UHRF2: variants seen among roughly 807,000 people sequenced by gnomAD.
UHRF2 encodes ubiquitin like with PHD and ring finger domains 2, also known as E3 ubiquitin-protein ligase UHRF2.
Under a neutral mutation model 96.8 loss-of-function variants are expected in UHRF2, and 23 were observed. The ratio of observed to expected loss-of-function variants is 0.24; its 90% CI spans 0.17 to 0.34. UHRF2 has a LOEUF of 0.34. UHRF2 is among the 10% of genes least tolerant of loss of function. The probability of loss-of-function intolerance (pLI) is 1.00; values close to 1 mark genes in which losing one functional copy is unlikely to be tolerated. For missense variants in UHRF2, 685 were observed against 981.5 expected (o/e 0.70, Z 4.04); for synonymous variants, 385 against 332.6 (o/e 1.16, Z -1.72).
intron 9 of UHRF2, among the ~76,000 whole-genome samples, chr9:6,487,981 C>T (rs1824410591): frequency 6.6e-6 from 1 of 151,952 alleles, no homozygotes; most frequent in South Asian, 2.1e-4. Context: ...TGGCTCATGC[C>T]TGTAATCCCA....
intron 14 of UHRF2, among the ~76,000 whole-genome samples, chr9:6,501,346 T>C (rs986494477): frequency 1.3e-5 from 2 of 152,294 alleles, no homozygotes; most frequent in Non-Finnish European, 2.9e-5. Context: ...ATTTTACTTA[T>C]AAATTTGAAT....
intron 2 of UHRF2, among the ~76,000 whole-genome samples, chr9:6,421,850 G>C (rs1819950402): frequency 6.6e-6 from 1 of 151,912 alleles, no homozygotes; most frequent in Non-Finnish European, 1.5e-5. Flanking sequence ...ATTTCTCTAG[G>C]CAGTATGTTT....
At chr9:6,472,033 T>C (rs1823271511) in intron 4 of UHRF2, among the ~76,000 whole-genome samples, 1 of 152,214 alleles carries the variant, frequency 6.6e-6, no homozygotes, top group East Asian at 1.9e-4. Context: ...AAGTGTATCT[T>C]AAATACAGTG....
At position 6,428,533 on chromosome 9, in the gene UHRF2, C is replaced by CTTTTTTTTT. The variant is rs1171172143; in HGVS notation, c.385-5351_385-5343dup. 7.3e-4 allele frequency among the ~76,000 whole-genome samples: 48 copies of CTTTTTTTTT among 65,420 alleles called. 7 individuals carry two copies. The highest frequency in any genetic ancestry group is 1.2e-3 in the East Asian group (2 of 1,670). The allele number at this position is 65,420 out of a possible 152,430, so 42.9% of individuals were successfully genotyped here. The stretch of plus-strand genomic sequence containing the variant: ...TGTAAATGGAACCATATTGCTTTTG[C>CTTTTTTTTT]TTTTTTTTTTTTTTTTTTTTTTTTT... On this transcript the variant is annotated intron_variant, in intron 2 of 15. Coordinates refer to ENST00000276893, the MANE Select transcript of UHRF2 (RefSeq NM_152896.3).
intron 3 of UHRF2, among the ~76,000 whole-genome samples, chr9:6,442,450 A>AGGTTT (rs1307819438): frequency 0.021 from 1,645 of 79,512 alleles, 39 homozygotes; most frequent in African/African-American, 0.075. Context: ...CATTGGCATA[A>AGGTTT]GGTTTTGTTT....
chr9:6,500,846 T>G, intron 14 of UHRF2, 137 bp downstream of exon 14: 1 of 747,610 alleles, frequency 1.3e-6, no homozygotes, highest in Non-Finnish European at 2.1e-6. Flanking sequence ...CCACTACCTT[T>G]CAGAAATAAT....
chr9:6,418,998 A>G (rs897022564), intron 1 of UHRF2, among the ~76,000 whole-genome samples: 5 of 152,110 alleles, frequency 3.3e-5, no homozygotes, highest in Non-Finnish European at 7.4e-5. Flanking sequence ...CTGTGTCTTC[A>G]CATTGTCTTC....
intron 8 of UHRF2, 115 bp downstream of exon 8, chr9:6,482,214 A>G: frequency 1.1e-6 from 1 of 886,818 alleles, no homozygotes. Context: ...TGTTAGAATG[A>G]AATATATTTT....
intron 2 of UHRF2, among the ~76,000 whole-genome samples, chr9:6,426,152 C>G (rs201647183): frequency 6.6e-6 from 1 of 152,222 alleles, no homozygotes; most frequent in Non-Finnish European, 1.5e-5. Context: ...CCTCCCCAAT[C>G]GAATTCGGAA....
intron 9 of UHRF2, among the ~76,000 whole-genome samples, chr9:6,491,330 C>G (rs1252507875): frequency 5.3e-5 from 8 of 152,198 alleles, no homozygotes; most frequent in Non-Finnish European, 7.3e-5. Context: ...AGATTTATAG[C>G]ACTTAAAGGC....
At position 6,504,824 on chromosome 9, in the gene UHRF2, T is replaced by C. The variant is rs923887355; in HGVS notation, c.2262+133T>C. ...CGGAACCTTCTAGTTAAGAAGCATT[T>C]AGTTACGTCTTGGTGGTAAATGCAT... On this transcript the variant is annotated intron_variant, in intron 15 of 15. Coordinates refer to ENST00000276893, the MANE Select transcript of UHRF2 (RefSeq NM_152896.3). 2 of 577,824 alleles carry C rather than the reference T, an allele frequency of 3.5e-6. 1 individual carries two copies. The highest frequency in any genetic ancestry group is 5.1e-5 in the South Asian group (2 of 39,322). 35.8% of individuals were successfully genotyped at this position (577,824 alleles called of 1,614,324 possible).
At chr9:6,471,509 A>C (rs896389931) in intron 4 of UHRF2, among the ~76,000 whole-genome samples, 1 of 152,172 alleles carries the variant, frequency 6.6e-6, no homozygotes, top group Non-Finnish European at 1.5e-5. Flanking sequence ...TTAAAAAGAT[A>C]CCAGCTTCCA....
At chr9:6,503,321 A>G in intron 14 of UHRF2, among the ~76,000 whole-genome samples, 1 of 152,292 alleles carries the variant, frequency 6.6e-6, no homozygotes, top group Non-Finnish European at 1.5e-5. Context: ...AATATAAAAA[A>G]TAAATATGAA....
intron 2 of UHRF2, among the ~76,000 whole-genome samples, chr9:6,423,961 T>G (rs1465374371): frequency 6.6e-6 from 1 of 151,048 alleles, no homozygotes; most frequent in African/African-American, 2.4e-5. Flanking sequence ...AATAAATAAA[T>G]AAATAAAGGA....
intron 8 of UHRF2, among the ~76,000 whole-genome samples, chr9:6,484,863 G>A (rs1824173269): frequency 7.8e-6 from 1 of 127,634 alleles, no homozygotes; most frequent in Non-Finnish European, 1.5e-5. Context: ...GCACAATCTC[G>A]GCTCACCGCA....
At chr9:6,465,535 G>A (rs1420868854) in intron 4 of UHRF2, among the ~76,000 whole-genome samples, 1 of 152,022 alleles carries the variant, frequency 6.6e-6, no homozygotes, top group South Asian at 2.1e-4. Context: ...AATTTTCTAG[G>A]AATTTATCTA....
intron 4 of UHRF2, among the ~76,000 whole-genome samples, chr9:6,462,429 G>A (rs531470781): frequency 1.3e-5 from 2 of 152,176 alleles, no homozygotes; most frequent in East Asian, 1.9e-4. Context: ...CTAGACTAAG[G>A]GTATAGCTCA....
intron 3 of UHRF2, among the ~76,000 whole-genome samples, chr9:6,434,936 T>A (rs1211422485): frequency 1.3e-5 from 2 of 151,874 alleles, no homozygotes; most frequent in African/African-American, 4.8e-5. Context: ...GCTCAAGCGA[T>A]CTTCCCACCT....
intron 9 of UHRF2, among the ~76,000 whole-genome samples, chr9:6,489,064 C>G (rs970398099): frequency 6.6e-6 from 1 of 152,190 alleles, no homozygotes; most frequent in Admixed American, 6.5e-5. Context: ...CCTACCTCAG[C>G]CTCCCAAAGT....
Sources: gnomAD v4.1 joint callset for allele counts (sites outside exome capture counted in the v4.1 genomes callset) on GRCh38, gnomAD v4.1.1 for gene constraint, MANE v1.5 for transcripts, NCBI Gene and HGNC (gene_info 2026-07-23, HGNC 2026-07-21) for gene names.